Variants in GPC3 observed in about 807,000 individuals in gnomAD.
GPC3 encodes glypican-3.
Under a neutral mutation model 34.4 loss-of-function variants are expected in GPC3, and 3 were observed. That is an observed-to-expected ratio of 0.09 (90% CI 0.04 to 0.23). GPC3 has a LOEUF of 0.23. Among genes scored for constraint, GPC3 ranks in the 10% least tolerant of loss-of-function variants. The probability of loss-of-function intolerance (pLI) is 1.00; values close to 1 mark genes in which losing one functional copy is unlikely to be tolerated. For synonymous variants in GPC3, 177 were observed against 174.0 expected (o/e 1.02, Z -0.13); for missense variants, 351 against 445.6 (o/e 0.79, Z 1.91).
intron 2 of GPC3, among the ~76,000 whole-genome samples, chrX:133,930,262 T>C: frequency 8.9e-6 from 1 of 111,929 alleles, no homozygotes; most frequent in Non-Finnish European, 1.9e-5. Flanking sequence ...TTTTTGGTTG[T>C]CACAACTGGA....
chrX:133,742,131 C>T (rs2071569267), intron 3 of GPC3, among the ~76,000 whole-genome samples: 1 of 112,128 alleles, frequency 8.9e-6, no homozygotes, highest in African/African-American at 3.2e-5. Flanking sequence ...ATGACTAAAC[C>T]ATAATCACAC....
chrX:133,674,938 C>T (rs914925889), intron 5 of GPC3, among the ~76,000 whole-genome samples: 2 of 111,676 alleles, frequency 1.8e-5, no homozygotes, highest in African/African-American at 6.5e-5. Flanking sequence ...ACAGGACTCT[C>T]AAAGTCCACC....
intron 5 of GPC3, among the ~76,000 whole-genome samples, chrX:133,687,320 T>C (rs910449767): frequency 9.6e-6 from 1 of 103,958 alleles, no homozygotes; most frequent in Non-Finnish European, 2.0e-5. Flanking sequence ...ATTCTACTTA[T>C]CAAGGTATGC....
intron 2 of GPC3, among the ~76,000 whole-genome samples, chrX:133,950,913 T>A (rs936969655): frequency 9.1e-6 from 1 of 109,556 alleles, no homozygotes; most frequent in African/African-American, 3.3e-5. Flanking sequence ...GAAGAGGGAG[T>A]GAAACAAGAT....
At chrX:133,729,015 T>G (rs2071439189) in intron 3 of GPC3, among the ~76,000 whole-genome samples, 2 of 111,677 alleles carry the variant, frequency 1.8e-5, no homozygotes, top group Admixed American at 1.9e-4. Context: ...TTTCTGGAAC[T>G]AGTCCAGGGC....
rs758943281 is a variant in GPC3, at chrX:133,613,030, G to A, written c.1414-16431C>T. Among the ~76,000 whole-genome samples the A allele has an allele frequency of 2.9e-4, 32 of 111,243 alleles. No individual in the cohort carries two copies. In the Admixed American group the frequency reaches 3.1e-3, roughly 11 times the overall value. ...TTCACTCCACACTGACAGTTGTCTA[G>A]TTCTCCTATCTTCAAACTTTAACTC... On this transcript the variant is annotated intron_variant, in intron 6 of 7. Coordinates refer to ENST00000370818, the MANE Select transcript of GPC3 (RefSeq NM_004484.4).
chrX:133,546,269 T>C (rs918160775), intron 7 of GPC3, among the ~76,000 whole-genome samples: 2 of 111,014 alleles, frequency 1.8e-5, no homozygotes, highest in East Asian at 2.8e-4. Context: ...TAAATGTTCC[T>C]CACTTTCTTT....
At chrX:133,895,076 A>G (rs1273907809) in intron 2 of GPC3, among the ~76,000 whole-genome samples, 3 of 112,181 alleles carry the variant, frequency 2.7e-5, no homozygotes, top group Admixed American at 9.4e-5. Context: ...AGTATAGTGA[A>G]GGAATCACCA....
chrX:133,650,352 T>C (rs910768296), intron 6 of GPC3, among the ~76,000 whole-genome samples: 2 of 109,916 alleles, frequency 1.8e-5, no homozygotes, highest in African/African-American at 3.3e-5. Context: ...ATCTCTAAGC[T>C]GTACTCCAAG....
chrX:133,974,037 T>G (rs2076504419), intron 1 of GPC3, among the ~76,000 whole-genome samples: 1 of 111,593 alleles, frequency 9.0e-6, no homozygotes, highest in Non-Finnish European at 1.9e-5. Context: ...TTTCAGCGTT[T>G]TTTTTGTTTT....
intron 2 of GPC3, among the ~76,000 whole-genome samples, chrX:133,769,062 A>C (rs1428958406): frequency 1.8e-5 from 2 of 112,754 alleles, no homozygotes; most frequent in Non-Finnish European, 3.7e-5. Context: ...TTTTAAAAGA[A>C]GAACATCCTG....
chrX:133,687,092 A>ATTTTTTTTTTTTTTT (rs775110101), intron 5 of GPC3, among the ~76,000 whole-genome samples: 8 of 69,244 alleles, frequency 1.2e-4, no homozygotes, highest in African/African-American at 4.7e-4. Context: ...TGGCCGGCTA[A>ATTTTTTTTTTTTTTT]TTTTTTTTTT....
intron 2 of GPC3, among the ~76,000 whole-genome samples, chrX:133,870,159 G>A (rs971043598): frequency 2.7e-5 from 3 of 111,672 alleles, no homozygotes; most frequent in African/African-American, 9.8e-5. Context: ...ATATTTGGAA[G>A]GAAATTGAGC....
intron 7 of GPC3, among the ~76,000 whole-genome samples, chrX:133,571,423 C>T (rs977718604): frequency 3.6e-5 from 4 of 110,217 alleles, no homozygotes; most frequent in Non-Finnish European, 5.7e-5. Context: ...AGTGCAGTGG[C>T]GCGATCTCGG....
rs769696321 is a variant in GPC3 at position 133,841,215 on chromosome X, A to ATTTTTTTTTTTTTTTTTTT, written c.338-87058_338-87040dup. Among the ~76,000 whole-genome samples the ATTTTTTTTTTTTTTTTTTT allele has an allele frequency of 8.1e-3, 317 of 39,232 alleles. 100 individuals are homozygous for ATTTTTTTTTTTTTTTTTTT. Among genetic ancestry groups the ATTTTTTTTTTTTTTTTTTT allele is most frequent in the Non-Finnish European group, 0.013 (249 of 18,653 alleles). The allele number at this position is 39,232 out of a possible 115,157, so 34.1% of individuals were successfully genotyped here. On this transcript the variant is annotated intron_variant, in intron 2 of 7. Transcript: ENST00000370818. The stretch of plus-strand genomic sequence containing the variant: ...ACCACCATGCCTGGCTAATCTTTTA[A>ATTTTTTTTTTTTTTTTTTT]TTTTTTTTTTTTTTTTTTTTTTTGG...
chrX:133,579,533 A>G (rs1307215846), intron 7 of GPC3, among the ~76,000 whole-genome samples: 1 of 111,576 alleles, frequency 9.0e-6, no homozygotes, highest in Non-Finnish European at 1.9e-5. Context: ...TCTGAACTGA[A>G]TTTTTCATTT....
chrX:133,662,063 G>A lies in GPC3; in HGVS notation c.1293-213C>T, dbSNP rs148100769. 5.8e-3 allele frequency among the ~76,000 whole-genome samples: 648 copies of A among 110,817 alleles called. 4 individuals are homozygous for A. The highest frequency in any genetic ancestry group is 0.02 in the African/African-American group (621 of 30,483). ...TATACAACATGCTTTTTTTCCCCTAGATGTTGGGAATACAACAATGAACAA... is the reference window on the plus strand; with the variant it reads ...TATACAACATGCTTTTTTTCCCCTAAATGTTGGGAATACAACAATGAACAA... On this transcript the variant is annotated intron_variant, in intron 5 of 7. Transcript: ENST00000370818.
intron 3 of GPC3, among the ~76,000 whole-genome samples, chrX:133,719,826 G>A (rs2071346339): frequency 9.0e-6 from 1 of 110,869 alleles, no homozygotes; most frequent in Non-Finnish European, 1.9e-5. Context: ...TTCAACAAAG[G>A]ACTAACATCC....
At chrX:133,850,148 C>T (rs1201942275) in intron 2 of GPC3, among the ~76,000 whole-genome samples, 9 of 104,678 alleles carry the variant, frequency 8.6e-5, no homozygotes, top group Non-Finnish European at 1.2e-4. Flanking sequence ...TTCATCTTTA[C>T]GATATGACTT....
Sources: gnomAD v4.1 joint callset for allele counts (sites outside exome capture counted in the v4.1 genomes callset) on GRCh38, gnomAD v4.1.1 for gene constraint, MANE v1.5 for transcripts, NCBI Gene and HGNC (gene_info 2026-07-23, HGNC 2026-07-21) for gene names.